PTPN9: variants seen among roughly 807,000 people sequenced by gnomAD.
PTPN9 encodes tyrosine-protein phosphatase non-receptor type 9.
PTPN9 carries 26 observed loss-of-function variants against 69.8 expected under a neutral mutation model. That is an observed-to-expected ratio of 0.37 (90% CI 0.27 to 0.52). PTPN9 has a LOEUF of 0.52. PTPN9 is among the 20% of genes least tolerant of loss of function. PTPN9 has a pLI of 0.91. For synonymous variants in PTPN9, 274 were observed against 272.5 expected (o/e 1.01, Z -0.05); for missense variants, 549 against 740.3 (o/e 0.74, Z 3.00).
intron 4 of PTPN9, among the ~76,000 whole-genome samples, chr15:75,520,523 C>CT (rs796980376): frequency 6.5e-4 from 94 of 145,138 alleles, no homozygotes; most frequent in African/African-American, 1.5e-3. Context: ...TATACATATA[C>CT]TTTTTTTTTT....
intron 1 of PTPN9, among the ~76,000 whole-genome samples, chr15:75,557,294 G>A (rs1299310828): frequency 6.6e-6 from 1 of 151,948 alleles, no homozygotes; most frequent in Non-Finnish European, 1.5e-5. Context: ...GTGTGGTAGC[G>A]CATGCCTTTA....
intron 1 of PTPN9, 65 bp from the exon 2 acceptor site, chr15:75,527,326 A>G: frequency 2.8e-5 from 44 of 1,559,176 alleles, no homozygotes; most frequent in Non-Finnish European, 3.9e-5. Context: ...TCAAAAAACA[A>G]ACAAGTGAAA....
intron 4 of PTPN9, among the ~76,000 whole-genome samples, chr15:75,520,800 C>A (rs1390986156): frequency 6.6e-6 from 1 of 151,914 alleles, no homozygotes; most frequent in African/African-American, 2.4e-5. Flanking sequence ...CACGCGTGAG[C>A]CACCAGAATA....
At chr15:75,484,434 A>G (rs1332518282) in intron 8 of PTPN9, among the ~76,000 whole-genome samples, 1 of 152,240 alleles carries the variant, frequency 6.6e-6, no homozygotes, top group Non-Finnish European at 1.5e-5. Flanking sequence ...ACCTGAATTA[A>G]TGCAAAGCAA....
chr15:75,485,408 CCGG>C (rs1323260857), intron 8 of PTPN9, among the ~76,000 whole-genome samples: 1 of 128,216 alleles, frequency 7.8e-6, no homozygotes, highest in Non-Finnish European at 1.6e-5. Context: ...GTTGCCCAGG[CCGG>C]ACTGCGGACT....
At chr15:75,555,207 C>T (rs1290005868) in intron 1 of PTPN9, among the ~76,000 whole-genome samples, 1 of 152,160 alleles carries the variant, frequency 6.6e-6, no homozygotes, top group Non-Finnish European at 1.5e-5. Context: ...CAAATGATTC[C>T]TGGAGCTTTC....
intron 1 of PTPN9, among the ~76,000 whole-genome samples, chr15:75,562,253 T>C (rs768438984): frequency 6.6e-6 from 1 of 152,188 alleles, no homozygotes; most frequent in Non-Finnish European, 1.5e-5. Context: ...CATTAAATCA[T>C]ATAATTTCTG....
At chr15:75,567,450 G>A (rs957047506) in intron 1 of PTPN9, among the ~76,000 whole-genome samples, 1 of 152,150 alleles carries the variant, frequency 6.6e-6, no homozygotes, top group South Asian at 2.1e-4. Flanking sequence ...GATTAGCTAG[G>A]TGTTCAAGCA....
chr15:75,539,600 C>G (rs2074999791), intron 1 of PTPN9, among the ~76,000 whole-genome samples: 1 of 151,944 alleles, frequency 6.6e-6, no homozygotes, highest in African/African-American at 2.4e-5. Context: ...GCCACCGCGC[C>G]CAGCCTAGTA....
rs2074553208 is a variant in PTPN9, at chr15:75,469,596, TG to T, written c.1567+195del. The stretch of plus-strand genomic sequence containing the variant: ...ATAAAACATCAACCCCTAGAGGACT[TG>T]GCTTGTGAAATATATATTCTGGCCA... On this transcript the variant is annotated intron_variant, in intron 12 of 12. Transcript: ENST00000618819. Among the ~76,000 whole-genome samples the T allele has an allele frequency of 2.0e-5, 3 of 152,326 alleles. No homozygotes were observed. The South Asian group carries it at 6.2e-4, about 32-fold the overall frequency.
rs1028366776 is a variant in PTPN9 at position 75,567,735 on chromosome 15, G to A, written c.63+10979C>T. ...AATGCTGCCAGGCGCGGTGGCTCACGCCTGTAATCCCAGCACTTTGGGAGG... is the reference window on the plus strand; with the variant it reads ...AATGCTGCCAGGCGCGGTGGCTCACACCTGTAATCCCAGCACTTTGGGAGG... On this transcript the variant is annotated intron_variant, in intron 1 of 12. Coordinates refer to ENST00000618819, the MANE Select transcript of PTPN9 (RefSeq NM_002833.4). 5.9e-5 allele frequency among the ~76,000 whole-genome samples: 9 copies of A among 152,046 alleles called. No individual in the cohort carries two copies. In the East Asian group the frequency reaches 9.6e-4, roughly 16 times the overall value.
At chr15:75,484,099 A>G (rs1258927891) in intron 8 of PTPN9, among the ~76,000 whole-genome samples, 1 of 152,160 alleles carries the variant, frequency 6.6e-6, no homozygotes, top group African/African-American at 2.4e-5. Flanking sequence ...TTTCATTGCT[A>G]TGTTTATCCC....
intron 9 of PTPN9, among the ~76,000 whole-genome samples, chr15:75,475,893 C>T (rs2074593267): frequency 1.3e-5 from 2 of 152,218 alleles, no homozygotes; most frequent in Admixed American, 1.3e-4. Flanking sequence ...AATCCCAGCA[C>T]TTTGGGAGGA....
intron 1 of PTPN9, among the ~76,000 whole-genome samples, chr15:75,563,379 G>A (rs1258077961): frequency 2.0e-5 from 3 of 152,142 alleles, no homozygotes; most frequent in African/African-American, 7.2e-5. Flanking sequence ...AGTAGAGAAA[G>A]GGTTTTGCAT....
chr15:75,521,237 T>G (rs1414886276), intron 4 of PTPN9, among the ~76,000 whole-genome samples: 7 of 145,782 alleles, frequency 4.8e-5, no homozygotes, highest in Non-Finnish European at 9.0e-5. Context: ...CGAGCTCAGG[T>G]GATCGAGACC....
Position 75,523,113 on chromosome 15 carries a change from A to T in PTPN9, c.422+8T>A. On this transcript the variant is annotated splice_region_variant and intron_variant, in intron 4 of 12. Coordinates refer to ENST00000618819, the MANE Select transcript of PTPN9 (RefSeq NM_002833.4). ...GTAGAATACCTAAAAAATAATCTCAATGCTTACCTATCCACAGCTCTGTCT... is the reference window on the plus strand; with the variant it reads ...GTAGAATACCTAAAAAATAATCTCATTGCTTACCTATCCACAGCTCTGTCT... 1 of 1,611,202 alleles carries T rather than the reference A, an allele frequency of 6.2e-7. No individual in the cohort carries two copies. Among genetic ancestry groups the T allele is most frequent in the Non-Finnish European group, 8.5e-7 (1 of 1,179,250 alleles).
In PTPN9 at chr15:75,526,624, C is replaced by T. The variant is rs574226197; in HGVS notation, c.207+494G>A. 2.5e-4 allele frequency among the ~76,000 whole-genome samples: 38 copies of T among 152,312 alleles called. 1 individual carries two copies. The South Asian group carries it at 5.8e-3, about 23-fold the overall frequency. On this transcript the variant is annotated intron_variant, in intron 2 of 12. Coordinates refer to ENST00000618819, the MANE Select transcript of PTPN9 (RefSeq NM_002833.4). ...ACAAAGTAAAATCCTGATGCCGCTACATTTGCATAAAGATACTTTAAGATA... is the reference window on the plus strand; with the variant it reads ...ACAAAGTAAAATCCTGATGCCGCTATATTTGCATAAAGATACTTTAAGATA...
At position 75,470,690 on chromosome 15, in the gene PTPN9, T is replaced by C; in HGVS notation, c.1349A>G (p.His450Arg). 6.2e-7 allele frequency: 1 copy of C among 1,614,128 alleles called. No individual in the cohort carries two copies. The highest frequency in any genetic ancestry group is 8.5e-7 in the Non-Finnish European group (1 of 1,179,982). ...GAAACCTGGATTTACCTCTGTGTTG[T>C]GAATTTCTAGCGTTGTTTTCTTATA... ...NHYKKTTLEI[H>R]NTEERQKRQV... The change falls in exon 11 of 13, where the codon CAC (histidine) becomes CGC (arginine). Residue 450 changes from histidine (H) to arginine (R), a missense_variant. Transcript: ENST00000618819.
chr15:75,536,658 AG>A (rs1567510298), intron 1 of PTPN9, among the ~76,000 whole-genome samples: 1 of 152,164 alleles, frequency 6.6e-6, no homozygotes, highest in South Asian at 2.1e-4. Flanking sequence ...ATGTGTGAAC[AG>A]GGGGGCTGAA....
Sources: gnomAD v4.1 joint callset for allele counts (sites outside exome capture counted in the v4.1 genomes callset) on GRCh38, gnomAD v4.1.1 for gene constraint, MANE v1.5 for transcripts, NCBI Gene and HGNC (gene_info 2026-07-23, HGNC 2026-07-21) for gene names.